The following MCF2L2 variants were observed in gnomAD, a reference collection of about 807,000 sequenced individuals.
MCF2L2 encodes probable guanine nucleotide exchange factor MCF2L2.
MCF2L2 carries 102 observed loss-of-function variants against 150.2 expected under a neutral mutation model. That is an observed-to-expected ratio of 0.68 (90% confidence interval 0.58 to 0.80). The LOEUF (loss-of-function observed/expected upper bound fraction) is 0.80. Among genes scored for constraint, MCF2L2 ranks in the 30% least tolerant of loss-of-function variants. The pLI, the probability that MCF2L2 is intolerant of heterozygous loss-of-function variation, is 0.00. For missense variants in MCF2L2, 1,256 were observed against 1,372.8 expected, an observed-to-expected ratio of 0.91 and a Z score of 1.34; for synonymous variants, 465 against 491.3, an observed-to-expected ratio of 0.95 and a Z score of 0.71.
chr3:183,206,232 G>A lies in MCF2L2; in HGVS notation c.2713-18C>T. 6.4e-7 allele frequency: 1 copy of A among 1,571,142 alleles called. No individual in the cohort carries two copies. On this transcript the variant is annotated intron_variant, in intron 23 of 29. Transcript: ENST00000328913. ...GTCATCAGCTATTATAAAGAGGGAAGAGAAATGTTCTATACCATCGTTTTC... is the reference window on the plus strand; with the variant it reads ...GTCATCAGCTATTATAAAGAGGGAAAAGAAATGTTCTATACCATCGTTTTC...
chr3:183,406,265 T>C (rs1242860763), intron 1 of MCF2L2, among the ~76,000 whole-genome samples: 1 of 152,222 alleles, frequency 6.6e-6, no homozygotes, highest in African/African-American at 2.4e-5. Flanking sequence ...ATCGTCATTT[T>C]TTTTAGTCAC....
At chr3:183,245,324 C>CA (rs1034829990) in intron 15 of MCF2L2, among the ~76,000 whole-genome samples, 1 of 152,136 alleles carries the variant, frequency 6.6e-6, no homozygotes, top group Non-Finnish European at 1.5e-5. Context: ...ACAAGAGGTA[C>CA]AGGGTTTATC....
intron 3 of MCF2L2, among the ~76,000 whole-genome samples, chr3:183,359,244 A>C (rs1362335781): frequency 6.6e-6 from 1 of 152,206 alleles, no homozygotes; most frequent in Non-Finnish European, 1.5e-5. Flanking sequence ...GGATGTGCTA[A>C]CACAATAGGC....
intron 1 of MCF2L2, among the ~76,000 whole-genome samples, chr3:183,409,215 G>A (rs1715195986): frequency 6.6e-6 from 1 of 151,940 alleles, no homozygotes; most frequent in Non-Finnish European, 1.5e-5. Context: ...TAAGATTCAG[G>A]GATTAATGCT....
chr3:183,262,187 ACAC>A (rs1725665660), intron 15 of MCF2L2, among the ~76,000 whole-genome samples: 1 of 150,788 alleles, frequency 6.6e-6, no homozygotes, highest in African/African-American at 2.5e-5. Flanking sequence ...TTTATTATAT[ACAC>A]TAAGGGTTAG....
chr3:183,404,013 A>T (rs1284880597), intron 1 of MCF2L2, among the ~76,000 whole-genome samples: 2 of 152,222 alleles, frequency 1.3e-5, no homozygotes, highest in African/African-American at 4.8e-5. Context: ...AGATCTATAG[A>T]TTTGACTACA....
chr3:183,230,366 G>A (rs1028818145), intron 16 of MCF2L2, among the ~76,000 whole-genome samples: 13 of 152,062 alleles, frequency 8.5e-5, no homozygotes, highest in African/African-American at 2.4e-4. Flanking sequence ...CACCCGCCTC[G>A]GCCTCCCAAA....
At chr3:183,414,212 T>C (rs1020194170) in intron 1 of MCF2L2, among the ~76,000 whole-genome samples, 1 of 152,218 alleles carries the variant, frequency 6.6e-6, no homozygotes, top group Non-Finnish European at 1.5e-5. Flanking sequence ...CTGAGCTTTT[T>C]TGTGCGGGTG....
intron 20 of MCF2L2, among the ~76,000 whole-genome samples, chr3:183,222,093 G>A (rs1385902576): frequency 2.0e-5 from 3 of 152,158 alleles, no homozygotes; most frequent in Admixed American, 1.3e-4. Context: ...TGAACTCCTG[G>A]ACTGAAGGGA....
chr3:183,196,917 C>A (rs1029180977), intron 25 of MCF2L2, among the ~76,000 whole-genome samples: 1 of 152,006 alleles, frequency 6.6e-6, no homozygotes, highest in Non-Finnish European at 1.5e-5. Flanking sequence ...AATCTCTTTC[C>A]GAATTGTCAA....
intron 15 of MCF2L2, among the ~76,000 whole-genome samples, chr3:183,249,957 G>C (rs1237588554): frequency 6.6e-6 from 1 of 152,152 alleles, no homozygotes; most frequent in Non-Finnish European, 1.5e-5. Flanking sequence ...AGAAGAGCAG[G>C]GCATGGTGTC....
intron 1 of MCF2L2, among the ~76,000 whole-genome samples, chr3:183,409,547 A>ATTTCTT (rs1715214007): frequency 7.0e-6 from 1 of 143,854 alleles, no homozygotes; most frequent in Non-Finnish European, 1.5e-5. Flanking sequence ...GGTAGCTAAA[A>ATTTCTT]TTTCTTTTTT....
intron 5 of MCF2L2, among the ~76,000 whole-genome samples, chr3:183,332,172 G>A (rs1007981618): frequency 1.3e-5 from 2 of 152,180 alleles, no homozygotes; most frequent in African/African-American, 2.4e-5. Flanking sequence ...AAGGCAACAC[G>A]TATTGAGAAG....
At chr3:183,275,800 A>T (rs770299456) in intron 15 of MCF2L2, among the ~76,000 whole-genome samples, 1 of 152,134 alleles carries the variant, frequency 6.6e-6, no homozygotes, top group Non-Finnish European at 1.5e-5. Context: ...TTTCTTGTGG[A>T]GATGGTGTCT....
At chr3:183,182,930 G>A (rs370805788) in intron 27 of MCF2L2, among the ~76,000 whole-genome samples, 5 of 152,144 alleles carry the variant, frequency 3.3e-5, no homozygotes, top group African/African-American at 9.7e-5. Context: ...GGCCAGGACC[G>A]GGGTGTCCTG....
intron 1 of MCF2L2, among the ~76,000 whole-genome samples, chr3:183,421,151 G>A (rs974905297): frequency 2.0e-5 from 3 of 152,146 alleles, no homozygotes; most frequent in Admixed American, 2.0e-4. Flanking sequence ...TTTGGGTGTG[G>A]ATCTCTTTAC....
chr3:183,179,941 C>G lies in MCF2L2; in HGVS notation c.3105+130G>C, dbSNP rs1721459881. The G allele has an allele frequency of 1.2e-6, 1 of 840,110 alleles. No homozygotes were observed. Among genetic ancestry groups the G allele is most frequent in the African/African-American group, 1.7e-5 (1 of 59,226 alleles). The allele number at this position is 840,110 out of a possible 1,614,324, so 52.0% of individuals were successfully genotyped here. A position where few individuals can be genotyped will look rare whatever the true frequency, so the allele number is the denominator to read the frequency against. On this transcript the variant is annotated intron_variant, in intron 28 of 29. Coordinates refer to ENST00000328913, the MANE Select transcript of MCF2L2 (RefSeq NM_015078.4). The surrounding 1 kb of genome is among the most constrained non-coding windows in gnomAD (Gnocchi z 4.2). Reference sequence around the variant, plus strand: ...GGGTCTGGTGACCTCGGCTCCCTGGCTTAACCAGGTCCTTATGGGTGAGAA... The same window carrying G: ...GGGTCTGGTGACCTCGGCTCCCTGGGTTAACCAGGTCCTTATGGGTGAGAA...
rs1309305484 is a variant in MCF2L2, at chr3:183,295,510, GTC to G, written c.1498-35_1498-34del. The G allele has an allele frequency of 2.5e-6, 4 of 1,606,442 alleles. No homozygotes were observed. In the East Asian group the frequency reaches 6.7e-5, roughly 27 times the overall value. On this transcript the variant is annotated intron_variant, in intron 12 of 29. Transcript: ENST00000328913. ...AACAAAAGCAAATCATGATGAACAG[GTC>G]TCTCTGTATACAGCCTGAGGACACG...
intron 1 of MCF2L2, among the ~76,000 whole-genome samples, chr3:183,413,837 G>A (rs1293694696): frequency 6.6e-6 from 1 of 152,204 alleles, no homozygotes; most frequent in African/African-American, 2.4e-5. Context: ...TTAAGTGTAA[G>A]TGGATCGCCA....
Sources: allele counts gnomAD v4.1 joint callset (sites outside exome capture counted in the v4.1 genomes callset), GRCh38; gene constraint gnomAD v4.1.1; non-coding constraint Gnocchi (gnomAD v3.1); transcripts MANE v1.5; gene names NCBI Gene and HGNC (gene_info 2026-07-23, HGNC 2026-07-21).